The following EBF1 variants were observed in gnomAD, a reference collection of about 807,000 sequenced individuals.
EBF1 encodes EBF transcription factor 1, also known as transcription factor COE1.
EBF1 carries 10 observed loss-of-function variants against 68.4 expected under a neutral mutation model. The observed-to-expected ratio is 0.15, with a 90% confidence interval of 0.09 to 0.25. The LOEUF is 0.25. Ranked by LOEUF, EBF1 falls within the 10% of genes least tolerant of loss-of-function variation. The pLI is 1.00. For synonymous variants in EBF1, 298 were observed against 299.8 expected (o/e 0.99, Z 0.06); for missense variants, 509 against 794.4 (o/e 0.64, Z 4.32).
intron 8 of EBF1, among the ~76,000 whole-genome samples, chr5:158,811,433 C>A (rs1433545686): frequency 1.3e-5 from 2 of 152,124 alleles, no homozygotes; most frequent in African/African-American, 2.4e-5. Context: ...GTGGTGAGGA[C>A]CCCTGTGTCA....
intron 6 of EBF1, among the ~76,000 whole-genome samples, chr5:158,984,508 A>T (rs1758583540): frequency 6.6e-6 from 1 of 152,092 alleles, no homozygotes; most frequent in Non-Finnish European, 1.5e-5. Context: ...ATATGGAATC[A>T]CATAGTAAGA....
intron 6 of EBF1, among the ~76,000 whole-genome samples, chr5:158,912,536 C>G (rs1806227281): frequency 6.6e-6 from 1 of 152,144 alleles, no homozygotes; most frequent in African/African-American, 2.4e-5. Flanking sequence ...AGCCTCACCC[C>G]AGGCCTACTG....
At chr5:158,825,632 A>G (rs1386663054) in intron 7 of EBF1, among the ~76,000 whole-genome samples, 5 of 151,462 alleles carry the variant, frequency 3.3e-5, no homozygotes, top group Non-Finnish European at 7.4e-5. Context: ...ACGGTTAAGG[A>G]AAAAAAAACT....
intron 10 of EBF1, among the ~76,000 whole-genome samples, chr5:158,766,374 A>G (rs1244761306): frequency 6.6e-6 from 1 of 152,194 alleles, no homozygotes; most frequent in Non-Finnish European, 1.5e-5. Flanking sequence ...CAACTGATGG[A>G]AAAAATGACT....
chr5:158,856,172 G>C (rs1793966087), intron 6 of EBF1, among the ~76,000 whole-genome samples: 1 of 152,214 alleles, frequency 6.6e-6, no homozygotes, highest in East Asian at 1.9e-4. Flanking sequence ...TGTCAGAGAG[G>C]GGCCTCTGAG....
chr5:158,726,133 A>T (rs1762937419), intron 11 of EBF1, among the ~76,000 whole-genome samples: 1 of 152,226 alleles, frequency 6.6e-6, no homozygotes, highest in Non-Finnish European at 1.5e-5. Flanking sequence ...TTAAAGTAAA[A>T]ATGTAATAAA....
At chr5:158,827,140 T>G (rs1241999359) in intron 7 of EBF1, among the ~76,000 whole-genome samples, 2 of 152,134 alleles carry the variant, frequency 1.3e-5, no homozygotes, top group Non-Finnish European at 2.9e-5. Flanking sequence ...GTAGCAGTAA[T>G]AGAGTAGTAG....
Position 158,866,869 on chromosome 5 carries a change from A to G in EBF1, c.555-26759T>C, listed in dbSNP as rs1336440823. Among the ~76,000 whole-genome samples, 103 of 95,610 alleles carry G rather than the reference A, an allele frequency of 1.1e-3. 2 individuals carry two copies. Among genetic ancestry groups the G allele is most frequent in the African/African-American group, 4.1e-3 (97 of 23,538 alleles). The allele number at this position is 95,610 out of a possible 152,430, so 62.7% of individuals were successfully genotyped here. ...TATATATATATATATATATATATAT[A>G]TATATATATATATATATATATATAT... On this transcript the variant is annotated intron_variant, in intron 6 of 15. Coordinates refer to ENST00000313708, the MANE Select transcript of EBF1 (RefSeq NM_024007.5).
chr5:158,989,899 G>C (rs1361429230), intron 6 of EBF1, among the ~76,000 whole-genome samples: 1 of 152,118 alleles, frequency 6.6e-6, no homozygotes. Context: ...AACTCTAGAT[G>C]GTACGGCCCT....
At position 158,760,412 on chromosome 5, in the gene EBF1, C is replaced by T. The variant is rs942424103; in HGVS notation, c.1036+17001G>A. On this transcript the variant is annotated intron_variant, in intron 10 of 15. Coordinates refer to ENST00000313708, the MANE Select transcript of EBF1 (RefSeq NM_024007.5). ...CCATTATATAAGATGAAGATCTGTT[C>T]GGCCCCTAAATGAACCACACAACAT... Among the ~76,000 whole-genome samples the T allele has an allele frequency of 3.8e-4, 58 of 152,094 alleles. 1 individual carries two copies. The highest frequency in any genetic ancestry group is 7.2e-5 in the African/African-American group (3 of 41,412).
intron 6 of EBF1, among the ~76,000 whole-genome samples, chr5:158,926,464 G>A (rs777628672): frequency 8.5e-5 from 13 of 152,070 alleles, no homozygotes; most frequent in Non-Finnish European, 1.2e-4. Context: ...AGTGGATCAC[G>A]CCTGTAATCC....
At chr5:159,034,121 AG>A (rs1769527272) in intron 6 of EBF1, among the ~76,000 whole-genome samples, 1 of 152,184 alleles carries the variant, frequency 6.6e-6, no homozygotes, top group African/African-American at 2.4e-5. Flanking sequence ...ACTGCTTCAA[AG>A]GGATATTCAG....
chr5:159,037,439 A>T (rs1310181901), intron 6 of EBF1, among the ~76,000 whole-genome samples: 1 of 34,958 alleles, frequency 2.9e-5, no homozygotes, highest in Non-Finnish European at 5.7e-5. Context: ...GGATTAAGAA[A>T]ATGTGGCACA....
intron 5 of EBF1, among the ~76,000 whole-genome samples, chr5:159,078,710 C>T (rs189188652): frequency 5.9e-5 from 9 of 152,342 alleles, no homozygotes; most frequent in Admixed American, 5.2e-4. Context: ...TGGCCAGTCT[C>T]AGGCGTTGGT....
intron 10 of EBF1, among the ~76,000 whole-genome samples, chr5:158,749,853 AGG>A (rs1431084633): frequency 6.6e-6 from 1 of 152,130 alleles, no homozygotes; most frequent in Non-Finnish European, 1.5e-5. Context: ...GGTCTGGGCA[AGG>A]TAAACTAACT....
intron 6 of EBF1, among the ~76,000 whole-genome samples, chr5:158,914,577 C>A (rs1453130208): frequency 2.6e-5 from 4 of 152,128 alleles, no homozygotes; most frequent in Non-Finnish European, 5.9e-5. Context: ...TTTCAATCAA[C>A]CCTTACCAGC....
intron 6 of EBF1, among the ~76,000 whole-genome samples, chr5:158,974,859 T>C (rs184768732): frequency 1.3e-5 from 2 of 152,170 alleles, no homozygotes; most frequent in African/African-American, 4.8e-5. Context: ...TGCTTGCAGG[T>C]TGAAGAAAAA....
Position 159,096,349 on chromosome 5 carries a change from T to C in EBF1, c.349A>G (p.Ser117Gly). ...GIHYRLQLLYSNGIRTEQDFY... is the reference protein window; with the variant it reads ...GIHYRLQLLYGNGIRTEQDFY... ...GACCCGACCCGGGCCTCACCATTGC[T>C]GTAGAGAAGCTGAAGCCGGTAGTGA... Residue 117 changes from serine (S) to glycine (G), a missense_variant, in exon 3 of 16, where the codon AGC becomes GGC. Around this residue, in one of 3 missense-constraint regions of EBF1, gnomAD observed 230 missense variants for 467.7 expected, o/e 0.49. Transcript: ENST00000313708. 1 of 1,613,452 alleles carries C rather than the reference T, an allele frequency of 6.2e-7. No homozygotes were observed. The highest frequency in any genetic ancestry group is 8.5e-7 in the Non-Finnish European group (1 of 1,179,782).
chr5:158,709,580 T>C (rs1160561874), intron 14 of EBF1, among the ~76,000 whole-genome samples: 3 of 152,212 alleles, frequency 2.0e-5, no homozygotes, highest in Admixed American at 6.5e-5. Context: ...CAATTGGTCA[T>C]AGGCAACAAT....
Sources: allele counts gnomAD v4.1 joint callset (sites outside exome capture counted in the v4.1 genomes callset), GRCh38; gene constraint gnomAD v4.1.1; regional missense constraint gnomAD v4.1.1; transcripts MANE v1.5; gene names NCBI Gene and HGNC (gene_info 2026-07-23, HGNC 2026-07-21).